Variants in XKR3 observed in about 807,000 individuals in gnomAD.
XKR3 encodes XK related 3, also known as XK-related protein 3.
A neutral mutation model predicts 40.3 loss-of-function variants in XKR3; 27 were observed. The ratio of observed to expected loss-of-function variants is 0.67; its 90% confidence interval spans 0.49 to 0.92. The LOEUF (loss-of-function observed/expected upper bound fraction) is 0.92. Ranked by LOEUF, XKR3 falls within the 40% of genes least tolerant of loss-of-function variation. The pLI is 0.00. For missense variants in XKR3, 472 were observed against 537.6 expected, an observed-to-expected ratio of 0.88 and a Z score of 1.21; for synonymous variants, 193 against 195.4, an observed-to-expected ratio of 0.99 and a Z score of 0.10.
chr22:16,796,522 C>A lies in XKR3; in HGVS notation c.589+3249G>T, dbSNP rs1296008815. 7.8e-4 allele frequency among the ~76,000 whole-genome samples: 119 copies of A among 152,314 alleles called. 1 individual carries two copies. Among genetic ancestry groups the A allele is most frequent in the Admixed American group, 4.5e-3 (69 of 15,304 alleles). On this transcript the variant is annotated intron_variant, in intron 3 of 3. Transcript: ENST00000684488. Reference sequence around the variant, plus strand: ...GCTAGTACACCACAATCACAGTAGGCTTTCTTCCTGGAATGCAAAGCTGGC... The same window carrying A: ...GCTAGTACACCACAATCACAGTAGGATTTCTTCCTGGAATGCAAAGCTGGC...
intron 1 of XKR3, among the ~76,000 whole-genome samples, chr22:16,811,705 T>C: frequency 6.6e-6 from 1 of 152,068 alleles, no homozygotes; most frequent in East Asian, 1.9e-4. Context: ...TTCACTTTCT[T>C]ATTAAAAAAA....
intron 3 of XKR3, among the ~76,000 whole-genome samples, chr22:16,793,067 C>T (rs1318177896): frequency 6.6e-6 from 1 of 152,128 alleles, no homozygotes; most frequent in African/African-American, 2.4e-5. Context: ...GGCTGGAGTG[C>T]AATGGGGCCA....
At chr22:16,790,789 A>C (rs2060112545) in intron 3 of XKR3, among the ~76,000 whole-genome samples, 1 of 152,102 alleles carries the variant, frequency 6.6e-6, no homozygotes, top group South Asian at 2.1e-4. Context: ...CTTTCTCAAA[A>C]GGCATTTTTC....
rs373992867 is a variant in XKR3, at chr22:16,808,075, C to T, written c.-2G>A. The T allele has an allele frequency of 1.1e-4, 174 of 1,588,036 alleles. 1 individual carries two copies. Among genetic ancestry groups the T allele is most frequent in the Non-Finnish European group, 1.5e-5 (18 of 1,168,656 alleles). ...CATCTCTTCAAACACTGTCTCCATT[C>T]TCAGGGTGCTGCTAATTCAAAGTCG... On this transcript the variant is annotated 5_prime_UTR_variant, in exon 2 of 4. Transcript: ENST00000684488.
intron 3 of XKR3, among the ~76,000 whole-genome samples, chr22:16,798,259 A>G (rs987940489): frequency 6.6e-6 from 1 of 152,110 alleles, no homozygotes. Context: ...AATCGAAACC[A>G]CAATGAGATA....
At chr22:16,784,431 A>T (rs1431306941) in intron 3 of XKR3, 22 bp from the exon 4 acceptor site, 2 of 1,545,770 alleles carry the variant, frequency 1.3e-6, no homozygotes, top group Admixed American at 4.3e-5. Flanking sequence ...AAACATGAAA[A>T]TGTTAGAGAA....
intron 1 of XKR3, among the ~76,000 whole-genome samples, chr22:16,817,939 A>G (rs1050932161): frequency 6.6e-6 from 1 of 152,106 alleles, no homozygotes; most frequent in African/African-American, 2.4e-5. Flanking sequence ...GAAAAAGAAC[A>G]TATTTTTGAT....
At chr22:16,819,187 C>G (rs2060245929) in intron 1 of XKR3, among the ~76,000 whole-genome samples, 2 of 152,008 alleles carry the variant, frequency 1.3e-5, no homozygotes. Flanking sequence ...TATTGGAAGA[C>G]TCAATATGTT....
intron 3 of XKR3, among the ~76,000 whole-genome samples, chr22:16,795,966 C>CA (rs1278869310): frequency 2.9e-5 from 4 of 140,350 alleles, no homozygotes; most frequent in Admixed American, 7.1e-5. Flanking sequence ...AACTCAGTCT[C>CA]AAAAAAAAAG....
chr22:16,813,070 G>A (rs2060219117), intron 1 of XKR3, among the ~76,000 whole-genome samples: 1 of 152,164 alleles, frequency 6.6e-6, no homozygotes, highest in African/African-American at 2.4e-5. Context: ...GGATCACGAG[G>A]TCAGGAGATA....
intron 1 of XKR3, among the ~76,000 whole-genome samples, chr22:16,813,043 G>C (rs2146173980): frequency 6.6e-6 from 1 of 152,278 alleles, no homozygotes. Context: ...CCAGCACTTT[G>C]GGAGGCCGAG....
At chr22:16,817,757 A>T (rs1184660717) in intron 1 of XKR3, among the ~76,000 whole-genome samples, 3 of 152,074 alleles carry the variant, frequency 2.0e-5, no homozygotes, top group East Asian at 3.8e-4. Context: ...TTATTTTTTT[A>T]AAAAGAATAT....
chr22:16,799,077 T>C (rs1161119769), intron 3 of XKR3, among the ~76,000 whole-genome samples: 1 of 152,190 alleles, frequency 6.6e-6, no homozygotes. Context: ...TTTATAGTCT[T>C]AGGCACATTC....
In XKR3 at chr22:16,784,143, T is replaced by A. The variant is rs1254092246; in HGVS notation, c.856A>T (p.Ser286Cys). 6 of 1,614,082 alleles carry A rather than the reference T, an allele frequency of 3.7e-6. No homozygotes were observed. The Admixed American group carries it at 6.7e-5, about 18-fold the overall frequency. The change falls in exon 4 of 4, where the codon AGT becomes TGT. Residue 286 changes from serine to cysteine, a missense_variant. By Grantham distance (112) the Ser-to-Cys change is moderately radical. Coordinates refer to ENST00000684488, the MANE Select transcript of XKR3 (RefSeq NM_001386955.1). ...LLAPWLEFWKSGAHLPGNKEN... is the reference protein window; with the variant it reads ...LLAPWLEFWKCGAHLPGNKEN... The stretch of plus-strand genomic sequence containing the variant: ...TTGTTGCCAGGAAGATGAGCTCCAC[T>A]TTTCCAAAACTCCAGCCACGGTGCC...
intron 1 of XKR3, among the ~76,000 whole-genome samples, chr22:16,812,182 A>C (rs139012168): frequency 2.6e-5 from 4 of 152,178 alleles, no homozygotes; most frequent in African/African-American, 9.7e-5. Context: ...CTCAATGCCA[A>C]ATTTGAGTTT....
chr22:16,807,732 C>A lies in XKR3; in HGVS notation c.335+7G>T. 1 of 1,562,390 alleles carries A rather than the reference C, an allele frequency of 6.4e-7. No individual in the cohort carries two copies. The highest frequency in any genetic ancestry group is 1.2e-5 in the South Asian group (1 of 82,614). ...GGCAGTGAATGAGAAATATTTGTGT[C>A]ACTTACCTCACAATAGGTCCTAAAA... is the stretch of plus-strand genomic sequence containing the variant. On this transcript the variant is annotated splice_region_variant and intron_variant, in intron 2 of 3. Coordinates refer to ENST00000684488, the MANE Select transcript of XKR3 (RefSeq NM_001386955.1).
At chr22:16,803,749 G>A (rs1195406111) in intron 2 of XKR3, among the ~76,000 whole-genome samples, 1 of 152,154 alleles carries the variant, frequency 6.6e-6, no homozygotes, top group Non-Finnish European at 1.5e-5. Context: ...ACATCAGGAA[G>A]TTACCCTATA....
At chr22:16,790,577 A>G (rs1203409304) in intron 3 of XKR3, among the ~76,000 whole-genome samples, 4 of 152,142 alleles carry the variant, frequency 2.6e-5, no homozygotes, top group African/African-American at 9.7e-5. Context: ...AGGAAGGAGA[A>G]CATCAGTGAA....
chr22:16,824,516 A>G (rs573635841), intron 1 of XKR3, among the ~76,000 whole-genome samples: 1 of 152,228 alleles, frequency 6.6e-6, no homozygotes, highest in East Asian at 1.9e-4. Context: ...AAATGGAAAG[A>G]AAAAGGGTGG....
Sources: allele counts gnomAD v4.1 joint callset (sites outside exome capture counted in the v4.1 genomes callset), GRCh38; gene constraint gnomAD v4.1.1; transcripts MANE v1.5; gene names NCBI Gene and HGNC (gene_info 2026-07-23, HGNC 2026-07-21).